CSMD1: variants seen among roughly 807,000 people sequenced by gnomAD.
The protein encoded by CSMD1 is CUB and Sushi multiple domains 1.
Under a neutral mutation model 417.5 loss-of-function variants are expected in CSMD1, and 213 were observed. The ratio of observed to expected loss-of-function variants is 0.51; its 90% CI spans 0.46 to 0.57. The LOEUF (loss-of-function observed/expected upper bound fraction) is 0.57, where lower values mean the gene tolerates loss of function less well. Among genes scored for constraint, CSMD1 ranks in the 20% least tolerant of loss-of-function variants. The probability of loss-of-function intolerance (pLI) is 0.00; values close to 1 mark genes in which losing one functional copy is unlikely to be tolerated. For missense variants in CSMD1, 6,923 were observed against 4,529.7 expected (o/e 1.53, Z -15.17); for synonymous variants, 2,862 against 1,736.8 (o/e 1.65, Z -16.11).
chr8:3,303,860 T>C (rs748860821), intron 25 of CSMD1, among the ~76,000 whole-genome samples: 1 of 152,150 alleles, frequency 6.6e-6, no homozygotes, highest in Non-Finnish European at 1.5e-5. Context: ...TTGGCTCAGG[T>C]AACTGCTCTA....
intron 3 of CSMD1, among the ~76,000 whole-genome samples, chr8:4,323,739 C>A (rs117075211): frequency 1.4e-5 from 2 of 139,492 alleles, no homozygotes; most frequent in Non-Finnish European, 3.2e-5. Flanking sequence ...ATTTCACATC[C>A]GCTCACTCAA....
chr8:3,431,202 T>A (rs1205461970), intron 12 of CSMD1, among the ~76,000 whole-genome samples: 3 of 152,100 alleles, frequency 2.0e-5, no homozygotes, highest in Non-Finnish European at 2.9e-5. Context: ...GATTTCCCAG[T>A]TCCACTAAGA....
At position 4,784,276 on chromosome 8, in the gene CSMD1, C is replaced by T. The variant is rs570841718; in HGVS notation, c.86-146718G>A. On this transcript the variant is annotated intron_variant, in intron 1 of 69. Coordinates refer to ENST00000635120, the MANE Select transcript of CSMD1 (RefSeq NM_033225.6). The stretch of plus-strand genomic sequence containing the variant: ...CCAAGTAAACAGGCTTTACCTTCCT[C>T]TAGTTCTATAACTAAAGATTTGGCT... Among the ~76,000 whole-genome samples, 3 of 152,338 alleles carry T rather than the reference C, an allele frequency of 2.0e-5. No individual in the cohort carries two copies. The South Asian group carries it at 6.2e-4, about 32-fold the overall frequency.
intron 3 of CSMD1, among the ~76,000 whole-genome samples, chr8:4,193,266 G>T (rs377581065): frequency 2.6e-5 from 4 of 152,094 alleles, no homozygotes; most frequent in Admixed American, 2.0e-4. Context: ...GTGAAAATAC[G>T]TTGCATCACA....
intron 7 of CSMD1, among the ~76,000 whole-genome samples, chr8:3,624,686 T>C (rs1257152864): frequency 6.6e-6 from 1 of 152,158 alleles, no homozygotes; most frequent in Non-Finnish European, 1.5e-5. Context: ...AGTGTATTGA[T>C]GAGCTTTGTT....
At chr8:3,029,235 A>G in intron 51 of CSMD1, 84 bp downstream of exon 51, 2 of 1,110,200 alleles carry the variant, frequency 1.8e-6, no homozygotes, top group Non-Finnish European at 2.5e-6. Flanking sequence ...TGATAGCTCC[A>G]CTAGAGAAGC....
chr8:4,754,545 T>G (rs75109258), intron 1 of CSMD1, among the ~76,000 whole-genome samples: 2 of 65,496 alleles, frequency 3.1e-5, no homozygotes, highest in Non-Finnish European at 6.1e-5. Flanking sequence ...GCACACTTTG[T>G]TTTTTTTTTT....
At chr8:3,556,126 A>G (rs1049308161) in intron 10 of CSMD1, among the ~76,000 whole-genome samples, 3 of 152,106 alleles carry the variant, frequency 2.0e-5, no homozygotes. Context: ...ACCCAGCAGC[A>G]CAAAACAGAG....
chr8:4,214,292 G>A (rs1800499738), intron 3 of CSMD1, among the ~76,000 whole-genome samples: 1 of 152,144 alleles, frequency 6.6e-6, no homozygotes, highest in Non-Finnish European at 1.5e-5. Flanking sequence ...AAAATTAGTA[G>A]TAATAGTATT....
At chr8:4,043,870 C>G (rs940814310) in intron 3 of CSMD1, among the ~76,000 whole-genome samples, 3 of 152,132 alleles carry the variant, frequency 2.0e-5, no homozygotes, top group Admixed American at 6.5e-5. Context: ...CACAGAGAGG[C>G]TAAGGAACTC....
chr8:3,112,427 C>A (rs929123811), intron 42 of CSMD1, among the ~76,000 whole-genome samples: 2 of 152,158 alleles, frequency 1.3e-5, no homozygotes, highest in Non-Finnish European at 2.9e-5. Flanking sequence ...CCATCGTTCC[C>A]ACCTCTTAAA....
At chr8:3,237,543 T>C (rs1585746464) in intron 26 of CSMD1, among the ~76,000 whole-genome samples, 1 of 146,112 alleles carries the variant, frequency 6.8e-6, no homozygotes, top group Non-Finnish European at 1.5e-5. Context: ...TTATATATTA[T>C]ATAAATAACA....
intron 7 of CSMD1, among the ~76,000 whole-genome samples, chr8:3,650,038 G>C (rs1339588387): frequency 6.6e-6 from 1 of 152,154 alleles, no homozygotes; most frequent in Non-Finnish European, 1.5e-5. Flanking sequence ...CAGCACTTTG[G>C]GAAGCCAAGG....
At chr8:4,487,268 C>T (rs1392522502) in intron 2 of CSMD1, among the ~76,000 whole-genome samples, 1 of 152,022 alleles carries the variant, frequency 6.6e-6, no homozygotes, top group East Asian at 1.9e-4. Context: ...GTGCGGTGCA[C>T]CCATTAACTC....
chr8:4,570,698 G>A (rs1028260827), intron 2 of CSMD1, among the ~76,000 whole-genome samples: 62 of 152,134 alleles, frequency 4.1e-4, no homozygotes, highest in African/African-American at 1.4e-3. Context: ...CTACTGTTTG[G>A]AATAGTTTCA....
At chr8:3,899,684 G>C (rs772733766) in intron 5 of CSMD1, among the ~76,000 whole-genome samples, 21 of 152,148 alleles carry the variant, frequency 1.4e-4, no homozygotes, top group Non-Finnish European at 2.6e-4. Context: ...TATAATCTGG[G>C]CTAAATATGA....
chr8:3,297,960 A>G (rs576811325), intron 25 of CSMD1, among the ~76,000 whole-genome samples: 35 of 152,348 alleles, frequency 2.3e-4, no homozygotes, highest in African/African-American at 8.2e-4. Flanking sequence ...AATTAGTAAA[A>G]GAGGATATTC....
intron 2 of CSMD1, among the ~76,000 whole-genome samples, chr8:4,500,217 T>G (rs923882896): frequency 1.3e-5 from 2 of 151,586 alleles, no homozygotes; most frequent in African/African-American, 2.4e-5. Flanking sequence ...CAGGGAGAGG[T>G]TGGCTTAGTG....
rs566195027 is a variant in CSMD1 at position 4,223,424 on chromosome 8, G to A, written c.416-191325C>T. ...AAGCAGGAAAGGGCGTCATCGCCAG[G>A]GATACGTGACGAATAGGCTGACTGC... On this transcript the variant is annotated intron_variant, in intron 3 of 69. Transcript: ENST00000635120. 1.6e-4 allele frequency among the ~76,000 whole-genome samples: 24 copies of A among 152,340 alleles called. 1 individual carries two copies. Among genetic ancestry groups the A allele is most frequent in the Non-Finnish European group, 3.1e-4 (21 of 68,040 alleles).
Sources: allele counts gnomAD v4.1 joint callset (sites outside exome capture counted in the v4.1 genomes callset), GRCh38; gene constraint gnomAD v4.1.1; transcripts MANE v1.5; gene names NCBI Gene and HGNC (gene_info 2026-07-23, HGNC 2026-07-21).